The following CDIN1 variants were observed in gnomAD, a reference collection of about 807,000 sequenced individuals.
CDIN1 encodes CDAN1 interacting nuclease 1, also known as CDAN1-interacting nuclease 1.
A neutral mutation model predicts 45.3 loss-of-function variants in CDIN1; 33 were observed. The observed-to-expected ratio is 0.73, with a 90% CI of 0.55 to 0.97. CDIN1 has a LOEUF of 0.97. Among genes scored for constraint, CDIN1 ranks in the 50% least tolerant of loss-of-function variants. CDIN1 has a pLI of 0.00. For missense variants in CDIN1, 303 were observed against 339.4 expected (o/e 0.89, Z 0.84); for synonymous variants, 118 against 124.4 (o/e 0.95, Z 0.34).
chr15:36,734,343 G>C, intron 10 of CDIN1: 1 of 426,524 alleles, frequency 2.3e-6, no homozygotes, highest in Non-Finnish European at 4.6e-6. Flanking sequence ...CTATGTAGTC[G>C]GGTATAAGAA....
At chr15:36,772,308 T>C (rs1252095727) in intron 10 of CDIN1, among the ~76,000 whole-genome samples, 1 of 152,240 alleles carries the variant, frequency 6.6e-6, no homozygotes, top group Non-Finnish European at 1.5e-5. Flanking sequence ...CAAATCGTCA[T>C]ATGTTTTTCT....
chr15:36,765,122 C>G (rs986175945), intron 10 of CDIN1, among the ~76,000 whole-genome samples: 2 of 144,838 alleles, frequency 1.4e-5, no homozygotes, highest in Non-Finnish European at 3.0e-5. Flanking sequence ...GTGGTGCGAT[C>G]TCAGCTCACT....
intron 1 of CDIN1, among the ~76,000 whole-genome samples, chr15:36,629,301 T>A (rs2039582262): frequency 6.6e-6 from 1 of 152,210 alleles, no homozygotes; most frequent in Non-Finnish European, 1.5e-5. Context: ...GTAAAATTAA[T>A]TTGTTTGATT....
chr15:36,626,866 G>T, intron 1 of CDIN1: 1 of 206,338 alleles, frequency 4.8e-6, no homozygotes, highest in South Asian at 7.5e-5. Flanking sequence ...GCCAGCATGG[G>T]ACAATCTGGG....
At chr15:36,650,641 C>T (rs1368318593) in intron 3 of CDIN1, among the ~76,000 whole-genome samples, 1 of 151,886 alleles carries the variant, frequency 6.6e-6, no homozygotes, top group East Asian at 1.9e-4. Flanking sequence ...CAAGGTTTCA[C>T]CATGCTGTGC....
At chr15:36,783,175 T>C (rs2054395926) in intron 10 of CDIN1, among the ~76,000 whole-genome samples, 1 of 152,326 alleles carries the variant, frequency 6.6e-6, no homozygotes, top group East Asian at 1.9e-4. Context: ...TAAAATAGGT[T>C]TAAGTGTGGG....
chr15:36,635,956 A>C (rs1452590125), intron 1 of CDIN1, among the ~76,000 whole-genome samples: 1 of 152,114 alleles, frequency 6.6e-6, no homozygotes, highest in Non-Finnish European at 1.5e-5. Flanking sequence ...AGAAACTAAG[A>C]AACAGAGGAT....
chr15:36,799,346 C>G (rs750963803), intron 10 of CDIN1: 1 of 152,150 alleles, frequency 6.6e-6, no homozygotes, highest in Admixed American at 6.5e-5. Flanking sequence ...AGAAGGTGTT[C>G]TGTCTTCTCC....
chr15:36,641,697 G>C (rs1187744016), intron 1 of CDIN1: 3 of 152,122 alleles, frequency 2.0e-5, no homozygotes, highest in Non-Finnish European at 2.9e-5. Flanking sequence ...AAAAATGTGA[G>C]TACTTGACAG....
chr15:36,702,108 A>G, intron 8 of CDIN1: 1 of 702,240 alleles, frequency 1.4e-6, no homozygotes, highest in South Asian at 1.5e-5. Flanking sequence ...GAGACCAGAA[A>G]TGGAACATAC....
intron 8 of CDIN1, among the ~76,000 whole-genome samples, chr15:36,701,000 T>C (rs747728674): frequency 2.0e-5 from 3 of 151,774 alleles, no homozygotes; most frequent in Non-Finnish European, 1.5e-5. Context: ...AGCCTTTGAG[T>C]TCAAGTTTAC....
chr15:36,628,200 C>A (rs2039528422), intron 1 of CDIN1, among the ~76,000 whole-genome samples: 1 of 152,042 alleles, frequency 6.6e-6, no homozygotes, highest in East Asian at 1.9e-4. Context: ...ATTCCGTTAG[C>A]CCTTTTGTGG....
chr15:36,721,589 A>G (rs935704695), intron 10 of CDIN1, among the ~76,000 whole-genome samples: 12 of 152,288 alleles, frequency 7.9e-5, no homozygotes, highest in African/African-American at 2.9e-4. Context: ...GACTGTGGTT[A>G]TCTCTGTAAA....
intron 10 of CDIN1, among the ~76,000 whole-genome samples, chr15:36,716,766 T>C (rs949327855): frequency 2.0e-5 from 3 of 152,180 alleles, no homozygotes; most frequent in Non-Finnish European, 4.4e-5. Flanking sequence ...TCTTAGCTTA[T>C]CTGCTTCCAA....
chr15:36,638,814 G>A (rs1322277691), intron 1 of CDIN1, among the ~76,000 whole-genome samples: 6 of 152,106 alleles, frequency 3.9e-5, no homozygotes. Flanking sequence ...CACATTTCAG[G>A]GTTGTTTGGA....
chr15:36,629,918 A>G (rs767486621), intron 1 of CDIN1, among the ~76,000 whole-genome samples: 7 of 152,198 alleles, frequency 4.6e-5, no homozygotes, highest in Admixed American at 1.3e-4. Flanking sequence ...ATACATATAT[A>G]TGTATATTAT....
At chr15:36,756,399 C>T (rs1481752341) in intron 10 of CDIN1, among the ~76,000 whole-genome samples, 1 of 152,118 alleles carries the variant, frequency 6.6e-6, no homozygotes, top group African/African-American at 2.4e-5. Flanking sequence ...CCCATAGTTG[C>T]TTAGAACTGA....
chr15:36,648,087 C>T (rs982889999), intron 3 of CDIN1, among the ~76,000 whole-genome samples: 6 of 152,212 alleles, frequency 3.9e-5, no homozygotes, highest in African/African-American at 1.2e-4. Flanking sequence ...GATCCGGCCG[C>T]CTCGGCCTCC....
chr15:36,683,983 A>G lies in CDIN1; in HGVS notation c.347-7702A>G, dbSNP rs937759225. Among the ~76,000 whole-genome samples the G allele has an allele frequency of 6.8e-4, 95 of 139,504 alleles. 1 individual carries two copies. The Middle Eastern group carries it at 0.011, about 16-fold the overall frequency. The allele number at this position is 139,504 out of a possible 152,430, so 91.5% of individuals were successfully genotyped here. On this transcript the variant is annotated intron_variant, in intron 5 of 10. Coordinates refer to ENST00000566621, the MANE Select transcript of CDIN1 (RefSeq NM_001321759.2). ...CTTAAGGAGATTTTGGGCTGAGACAATGGAGTTTTCTAGATATACAATCAT... is the reference window on the plus strand; with the variant it reads ...CTTAAGGAGATTTTGGGCTGAGACAGTGGAGTTTTCTAGATATACAATCAT...
Sources: allele counts gnomAD v4.1 joint callset (sites outside exome capture counted in the v4.1 genomes callset), GRCh38; gene constraint gnomAD v4.1.1; transcripts MANE v1.5; gene names NCBI Gene and HGNC (gene_info 2026-07-23, HGNC 2026-07-21).